Variants in SCFD2 observed in about 807,000 individuals in gnomAD.
The protein encoded by SCFD2 is sec1 family domain containing 2.
SCFD2 carries 54 observed loss-of-function variants against 58.9 expected under a neutral mutation model. The ratio of observed to expected loss-of-function variants is 0.92; its 90% confidence interval spans 0.74 to 1.15. The LOEUF (loss-of-function observed/expected upper bound fraction) is 1.15, where lower values mean the gene tolerates loss of function less well. Ranked by LOEUF, SCFD2 falls within the 50% of genes most tolerant of loss-of-function variation. The pLI is 0.00. For missense variants in SCFD2, 805 were observed against 836.6 expected, an observed-to-expected ratio of 0.96 and a Z score of 0.47; for synonymous variants, 321 against 335.9, an observed-to-expected ratio of 0.96 and a Z score of 0.49.
chr4:53,299,768 C>A (rs969614026), intron 3 of SCFD2, among the ~76,000 whole-genome samples: 3 of 152,100 alleles, frequency 2.0e-5, no homozygotes, highest in Non-Finnish European at 2.9e-5. Context: ...ACTCTACAAG[C>A]CAGAAGAGAG....
intron 5 of SCFD2, among the ~76,000 whole-genome samples, chr4:52,966,597 T>C (rs1720967630): frequency 6.6e-6 from 1 of 152,216 alleles, no homozygotes; most frequent in Admixed American, 6.5e-5. Flanking sequence ...CTTCTGCATC[T>C]AGTTTTTAAA....
intron 4 of SCFD2, among the ~76,000 whole-genome samples, chr4:53,185,011 A>G (rs1325531406): frequency 6.6e-6 from 1 of 152,152 alleles, no homozygotes; most frequent in Admixed American, 6.6e-5. Context: ...CTCTCCCTAA[A>G]TAGAAGCCAG....
At chr4:53,121,907 C>A (rs1451105104) in intron 5 of SCFD2, among the ~76,000 whole-genome samples, 1 of 152,128 alleles carries the variant, frequency 6.6e-6, no homozygotes, top group East Asian at 1.9e-4. Context: ...ATATAAGCAG[C>A]TACCAAGGTC....
Position 52,920,769 on chromosome 4 carries a change from T to TCAGGAGACTCCGAGCTC in SCFD2, c.1646_1662dup (p.Lys555GlufsTer6). ...GGAACATATACAGACTTAAACTGTTTCAGGAGACTCCGAGCTCCAGCAATA... is the reference window on the plus strand; with the variant it reads ...GGAACATATACAGACTTAAACTGTTTCAGGAGACTCCGAGCTCCAGGAGACTCCGAGCTCCAGCAATA... On this transcript the variant is annotated frameshift_variant, in exon 6 of 9. Coordinates refer to ENST00000401642, the MANE Select transcript of SCFD2 (RefSeq NM_152540.4). LOFTEE classifies it high-confidence loss of function. The TCAGGAGACTCCGAGCTC allele has an allele frequency of 6.2e-7, 1 of 1,611,264 alleles. No individual in the cohort carries two copies. The highest frequency in any genetic ancestry group is 8.5e-7 in the Non-Finnish European group (1 of 1,178,134).
intron 3 of SCFD2, among the ~76,000 whole-genome samples, chr4:53,276,173 C>T (rs1312150232): frequency 6.6e-6 from 1 of 150,626 alleles, no homozygotes; most frequent in African/African-American, 2.4e-5. Context: ...TCAAACATAT[C>T]AGAAAGCATA....
At chr4:53,209,955 G>A (rs1440582934) in intron 4 of SCFD2, among the ~76,000 whole-genome samples, 1 of 152,038 alleles carries the variant, frequency 6.6e-6, no homozygotes, top group Non-Finnish European at 1.5e-5. Context: ...GTTGATGTAT[G>A]TATGAATCTT....
chr4:53,302,842 C>G (rs911459879), intron 3 of SCFD2, among the ~76,000 whole-genome samples: 35 of 152,266 alleles, frequency 2.3e-4, no homozygotes, highest in African/African-American at 7.5e-4. Context: ...CAAAAACAAG[C>G]AATGGGGAAA....
At chr4:53,201,533 A>T (rs368136966) in intron 4 of SCFD2, among the ~76,000 whole-genome samples, 4 of 152,044 alleles carry the variant, frequency 2.6e-5, no homozygotes, top group East Asian at 1.9e-4. Flanking sequence ...CCTTTGGGTA[A>T]ATACCCAGTA....
intron 5 of SCFD2, among the ~76,000 whole-genome samples, chr4:53,056,213 T>C (rs1277471187): frequency 1.3e-5 from 2 of 151,548 alleles, no homozygotes; most frequent in Admixed American, 6.6e-5. Context: ...AATGACTGCC[T>C]GTATTATACA....
intron 4 of SCFD2, among the ~76,000 whole-genome samples, chr4:53,149,154 A>G (rs1453502353): frequency 1.3e-5 from 2 of 152,244 alleles, no homozygotes; most frequent in Non-Finnish European, 2.9e-5. Context: ...CACAGTAGCA[A>G]TGATGACAGC....
intron 4 of SCFD2, among the ~76,000 whole-genome samples, chr4:53,228,715 C>G (rs1246385712): frequency 2.6e-5 from 4 of 152,098 alleles, no homozygotes; most frequent in Non-Finnish European, 5.9e-5. Flanking sequence ...TGGCACAAGA[C>G]AGGGATGCCC....
intron 4 of SCFD2, among the ~76,000 whole-genome samples, chr4:53,258,857 G>C (rs1457619392): frequency 1.3e-5 from 2 of 151,900 alleles, no homozygotes; most frequent in Non-Finnish European, 2.9e-5. Flanking sequence ...GTATAAAAGT[G>C]TTCCCTTTTC....
chr4:53,208,276 T>A (rs1297752282), intron 4 of SCFD2, among the ~76,000 whole-genome samples: 1 of 152,094 alleles, frequency 6.6e-6, no homozygotes, highest in Non-Finnish European at 1.5e-5. Flanking sequence ...CGCCAGGTAC[T>A]TCTTTATAGC....
intron 5 of SCFD2, among the ~76,000 whole-genome samples, chr4:52,930,382 G>A (rs1451627918): frequency 6.6e-6 from 1 of 152,088 alleles, no homozygotes; most frequent in East Asian, 1.9e-4. Context: ...ATACTTAAAT[G>A]TAAAACCTAA....
chr4:53,051,472 G>A (rs914469511), intron 5 of SCFD2, among the ~76,000 whole-genome samples: 1 of 152,130 alleles, frequency 6.6e-6, no homozygotes, highest in African/African-American at 2.4e-5. Flanking sequence ...AGAGCCCAAG[G>A]TGTGGAGCCA....
At chr4:52,894,397 T>C (rs573791050) in intron 7 of SCFD2, among the ~76,000 whole-genome samples, 7 of 152,298 alleles carry the variant, frequency 4.6e-5, no homozygotes, top group Middle Eastern at 3.4e-3. Context: ...ATGGAGTAGA[T>C]AGAAAATAAA....
At chr4:53,237,513 G>C (rs1191477565) in intron 4 of SCFD2, among the ~76,000 whole-genome samples, 1 of 12,378 alleles carries the variant, frequency 8.1e-5, no homozygotes, top group Admixed American at 7.6e-4. Flanking sequence ...CTGGCCGGGC[G>C]GGGGGCTGAC....
intron 5 of SCFD2, among the ~76,000 whole-genome samples, chr4:53,087,889 G>GACCTCATGATCCACCC (rs1724358594): frequency 1.3e-5 from 2 of 150,290 alleles, no homozygotes; most frequent in African/African-American, 4.9e-5. Flanking sequence ...TTGAACTCCT[G>GACCTCATGATCCACCC]ACCTCATGAT....
intron 5 of SCFD2, among the ~76,000 whole-genome samples, chr4:53,085,340 T>C (rs1311269022): frequency 6.6e-6 from 1 of 151,802 alleles, no homozygotes; most frequent in Non-Finnish European, 1.5e-5. Flanking sequence ...AAGTAAAAAA[T>C]GTCTACAATG....
Sources: gnomAD v4.1 joint callset for allele counts (sites outside exome capture counted in the v4.1 genomes callset) on GRCh38, gnomAD v4.1.1 for gene constraint, MANE v1.5 for transcripts, NCBI Gene and HGNC (gene_info 2026-07-23, HGNC 2026-07-21) for gene names.